TMEM132D: variants seen among roughly 807,000 people sequenced by gnomAD.
The protein encoded by TMEM132D is mature OL transmembrane protein.
TMEM132D carries 21 observed loss-of-function variants against 62.3 expected under a neutral mutation model. That is an observed-to-expected ratio of 0.34 (90% CI 0.24 to 0.49). The LOEUF (loss-of-function observed/expected upper bound fraction) is 0.49, where lower values mean the gene tolerates loss of function less well. Ranked by LOEUF, TMEM132D falls within the 20% of genes least tolerant of loss-of-function variation. TMEM132D has a pLI of 0.99. For synonymous variants in TMEM132D, 621 were observed against 575.6 expected (o/e 1.08, Z -1.13); for missense variants, 1,346 against 1,402.8 (o/e 0.96, Z 0.65).
chr12:129,688,227 GGAGA>G (rs139167360), intron 2 of TMEM132D, among the ~76,000 whole-genome samples: 5 of 152,024 alleles, frequency 3.3e-5, no homozygotes, highest in South Asian at 2.1e-4. Flanking sequence ...CAATCATACA[GGAGA>G]GAGAGAGAGA....
At chr12:129,707,267 TTA>T (rs1465524548) in intron 1 of TMEM132D, among the ~76,000 whole-genome samples, 10 of 148,934 alleles carry the variant, frequency 6.7e-5, no homozygotes, top group Non-Finnish European at 1.0e-4. Flanking sequence ...ATATATATGT[TTA>T]TATATGTGAT....
intron 3 of TMEM132D, among the ~76,000 whole-genome samples, chr12:129,428,878 G>A (rs751163524): frequency 1.2e-4 from 19 of 152,216 alleles, no homozygotes; most frequent in Non-Finnish European, 2.5e-4. Context: ...TTTGGCCTGG[G>A]CATAGCTGCA....
intron 3 of TMEM132D, among the ~76,000 whole-genome samples, chr12:129,376,990 C>T (rs569857678): frequency 2.6e-4 from 40 of 152,316 alleles, no homozygotes; most frequent in Admixed American, 7.2e-4. Context: ...CTCCACCTTG[C>T]GTTTGCTCAG....
intron 5 of TMEM132D, among the ~76,000 whole-genome samples, chr12:129,133,420 G>A (rs947325373): frequency 6.6e-6 from 1 of 152,232 alleles, no homozygotes; most frequent in Non-Finnish European, 1.5e-5. Flanking sequence ...CCTTAAAAAA[G>A]TAGGAACTAT....
At chr12:129,090,629 C>A (rs1224389478) in intron 5 of TMEM132D, among the ~76,000 whole-genome samples, 6 of 151,914 alleles carry the variant, frequency 3.9e-5, no homozygotes, top group African/African-American at 1.4e-4. Flanking sequence ...GATTGTGCCA[C>A]TGCACTCCAG....
chr12:129,159,014 T>C (rs927879862), intron 5 of TMEM132D, among the ~76,000 whole-genome samples: 1 of 152,188 alleles, frequency 6.6e-6, no homozygotes, highest in Non-Finnish European at 1.5e-5. Context: ...ACCACCTCCA[T>C]TATCCAATCA....
At chr12:129,410,767 G>A (rs1871946130) in intron 3 of TMEM132D, among the ~76,000 whole-genome samples, 1 of 152,126 alleles carries the variant, frequency 6.6e-6, no homozygotes, top group African/African-American at 2.4e-5. Context: ...TTTAAGTTCA[G>A]GAGTACATGT....
intron 4 of TMEM132D, among the ~76,000 whole-genome samples, chr12:129,326,873 G>C (rs1462976279): frequency 2.0e-5 from 3 of 152,254 alleles, no homozygotes; most frequent in Middle Eastern, 6.8e-3. Context: ...AAAGAAAATA[G>C]TTTATAATAA....
chr12:129,423,049 A>G (rs1052250076), intron 3 of TMEM132D, among the ~76,000 whole-genome samples: 4 of 151,812 alleles, frequency 2.6e-5, no homozygotes, highest in Admixed American at 2.6e-4. Flanking sequence ...GCACATATAC[A>G]TGTATATACA....
chr12:129,898,210 T>C (rs894941227), intron 1 of TMEM132D, among the ~76,000 whole-genome samples: 9 of 152,312 alleles, frequency 5.9e-5, no homozygotes, highest in African/African-American at 2.2e-4. Flanking sequence ...ATCAAACCAC[T>C]GCACTGTCAG....
intron 3 of TMEM132D, among the ~76,000 whole-genome samples, chr12:129,377,245 A>G (rs1660575764): frequency 6.6e-6 from 1 of 152,202 alleles, no homozygotes; most frequent in Non-Finnish European, 1.5e-5. Context: ...AGAAGGATCC[A>G]AACCTGCCTG....
At chr12:129,521,657 T>C (rs1476379952) in intron 3 of TMEM132D, 1 of 152,248 alleles carries the variant, frequency 6.6e-6, no homozygotes, top group Admixed American at 6.5e-5. Context: ...TGTCCCCTTG[T>C]GTCTGGCTTC....
chr12:129,257,901 T>G (rs1294133527), intron 4 of TMEM132D, among the ~76,000 whole-genome samples: 2 of 152,146 alleles, frequency 1.3e-5, no homozygotes, highest in East Asian at 3.9e-4. Context: ...CAACACCTGG[T>G]GTCAGAGGCT....
At position 129,441,464 on chromosome 12, in the gene TMEM132D, C is replaced by G. The variant is rs116751753; in HGVS notation, c.1115+89595G>C. Among the ~76,000 whole-genome samples, 690 of 152,250 alleles carry G rather than the reference C, an allele frequency of 4.5e-3. 6 individuals are homozygous for G. Among genetic ancestry groups the G allele is most frequent in the African/African-American group, 0.016 (661 of 41,548 alleles). On this transcript the variant is annotated intron_variant, in intron 3 of 8. Coordinates refer to ENST00000422113, the MANE Select transcript of TMEM132D (RefSeq NM_133448.3). ...ATCCCAAACCAGAAACTAGAGACGC[C>G]TGCGAGGAGCTGAAATCAAACCAGA... is the stretch of plus-strand genomic sequence containing the variant.
In TMEM132D at chr12:129,296,871, A is replaced by T. The variant is rs78444981; in HGVS notation, c.1299+40763T>A. ...ACCAAGCTCATTAGTATTTGGTATC[A>T]AGCACCAGACATTGCTCACTGTTGC... is the stretch of plus-strand genomic sequence containing the variant. On this transcript the variant is annotated intron_variant, in intron 4 of 8. Coordinates refer to ENST00000422113, the MANE Select transcript of TMEM132D (RefSeq NM_133448.3). 1.4e-3 allele frequency among the ~76,000 whole-genome samples: 212 copies of T among 152,338 alleles called. 2 individuals carry two copies. The highest frequency in any genetic ancestry group is 5.0e-3 in the African/African-American group (208 of 41,582).
intron 2 of TMEM132D, among the ~76,000 whole-genome samples, chr12:129,588,038 C>A (rs765310547): frequency 6.6e-6 from 1 of 152,202 alleles, no homozygotes; most frequent in Non-Finnish European, 1.5e-5. Context: ...GCTGCCCAGA[C>A]TCCTTGGCTG....
At chr12:129,463,284 G>C (rs111888990) in intron 3 of TMEM132D, among the ~76,000 whole-genome samples, 1 of 151,910 alleles carries the variant, frequency 6.6e-6, no homozygotes, top group African/African-American at 2.4e-5. Context: ...GAGCATTCAT[G>C]AGTGCCATTT....
intron 2 of TMEM132D, among the ~76,000 whole-genome samples, chr12:129,650,374 T>C (rs1386870852): frequency 1.3e-5 from 2 of 152,184 alleles, no homozygotes; most frequent in Non-Finnish European, 1.5e-5. Context: ...AGCTTGTAAG[T>C]TGCTTCCAAT....
chr12:129,800,028 A>G lies in TMEM132D; in HGVS notation c.80-99330T>C, dbSNP rs73431509. ...CGTACAGTCATTTTATGAGCTTTAG[A>G]GCTGAAAATGTCCTTGATCATCGAA... On this transcript the variant is annotated intron_variant, in intron 1 of 8. Transcript: ENST00000422113. Among the ~76,000 whole-genome samples, 681 of 152,276 alleles carry G rather than the reference A, an allele frequency of 4.5e-3. 8 individuals carry two copies. Among genetic ancestry groups the G allele is most frequent in the African/African-American group, 0.016 (657 of 41,546 alleles).
Sources: gnomAD v4.1 joint callset for allele counts (sites outside exome capture counted in the v4.1 genomes callset) on GRCh38, gnomAD v4.1.1 for gene constraint, MANE v1.5 for transcripts, NCBI Gene and HGNC (gene_info 2026-07-23, HGNC 2026-07-21) for gene names.